Variants in CERK observed in about 807,000 individuals in gnomAD.
The protein encoded by CERK is acylsphingosine kinase.
In CERK, 39 loss-of-function variants were observed where a neutral mutation model predicts 63.4. That is an observed-to-expected ratio of 0.61 (90% CI 0.48 to 0.80). The LOEUF is 0.80. Among genes scored for constraint, CERK ranks in the 30% least tolerant of loss-of-function variants. The pLI is 0.00. For synonymous variants in CERK, 302 were observed against 280.0 expected, an observed-to-expected ratio of 1.08 and a Z score of -0.78; for missense variants, 670 against 714.1, an observed-to-expected ratio of 0.94 and a Z score of 0.70.
chr22:46,732,873 C>T (rs566380382), intron 1 of CERK, among the ~76,000 whole-genome samples: 434 of 152,182 alleles, frequency 2.9e-3, no homozygotes, highest in African/African-American at 0.01. Flanking sequence ...GATTGTCTGC[C>T]TTTTTTCCTA....
At chr22:46,701,577 G>A in intron 7 of CERK, 59 bp downstream of exon 7, 1 of 1,436,978 alleles carries the variant, frequency 7.0e-7, no homozygotes, top group Non-Finnish European at 9.5e-7. Context: ...GAGTGGGACA[G>A]GCCTGGGGGC....
At position 46,711,067 on chromosome 22, in the gene CERK, T is replaced by G; in HGVS notation, c.569+19A>C. 6.2e-7 allele frequency: 1 copy of G among 1,605,158 alleles called. No homozygotes were observed. The highest frequency in any genetic ancestry group is 1.1e-5 in the South Asian group (1 of 90,710). ...TCATTAACAATGGACTTGATGGCGA[T>G]GAAAGACGGCTTACTCACCCGTCGT... On this transcript the variant is annotated intron_variant, in intron 5 of 12. Coordinates refer to ENST00000216264, the MANE Select transcript of CERK (RefSeq NM_022766.6).
Position 46,720,195 on chromosome 22 carries a change from C to A in CERK, c.270G>T (p.Lys90Asn). Residue 90 changes from lysine (K) to asparagine (N), a missense_variant, in exon 3 of 13, where the codon AAG (lysine) becomes AAT (asparagine). By Grantham distance (94) the Lys-to-Asn change is moderately conservative. Transcript: ENST00000216264. ...ACTTCCAGCGGTGCCGTCGTGCTCT[C>A]TTTACACAGTGAACTGCACAGAAGC... ...KPYAFTVHCV[K>N]RARRHRWKWA... 6.2e-7 allele frequency: 1 copy of A among 1,613,630 alleles called. No homozygotes were observed. Among genetic ancestry groups the A allele is most frequent in the Non-Finnish European group, 8.5e-7 (1 of 1,179,828 alleles).
intron 3 of CERK, among the ~76,000 whole-genome samples, chr22:46,712,674 A>T (rs560811193): frequency 6.6e-6 from 1 of 152,248 alleles, no homozygotes; most frequent in East Asian, 1.9e-4. Flanking sequence ...AAGCAGACAG[A>T]GGGAAGAGTC....
chr22:46,695,157 C>T, intron 9 of CERK, 53 bp downstream of exon 9: 1 of 958,432 alleles, frequency 1.0e-6, no homozygotes. Flanking sequence ...TCCTAACCGT[C>T]CTGCTTCATT....
intron 1 of CERK, among the ~76,000 whole-genome samples, chr22:46,722,533 T>G (rs1201085330): frequency 4.0e-5 from 6 of 149,090 alleles, no homozygotes; most frequent in African/African-American, 1.5e-4. Context: ...CACCCTCCGG[T>G]GTGCCCCACC....
chr22:46,715,817 T>C (rs889060064), intron 3 of CERK, among the ~76,000 whole-genome samples: 2 of 152,194 alleles, frequency 1.3e-5, no homozygotes, highest in African/African-American at 4.8e-5. Flanking sequence ...GCTTGGAGAA[T>C]AAAACGTCTT....
chr22:46,698,830 G>A (rs2082769009), intron 8 of CERK, among the ~76,000 whole-genome samples: 1 of 152,220 alleles, frequency 6.6e-6, no homozygotes, highest in South Asian at 2.1e-4. Flanking sequence ...GAGCCTGGGA[G>A]GTCAAGGCTG....
At chr22:46,708,068 G>T in intron 5 of CERK, 80 bp from the exon 6 acceptor site, 1 of 1,464,018 alleles carries the variant, frequency 6.8e-7, no homozygotes, top group South Asian at 1.4e-5. Flanking sequence ...TCCAGCTTCA[G>T]GAGGGGCAGC....
At chr22:46,729,950 A>G (rs1259202016) in intron 1 of CERK, among the ~76,000 whole-genome samples, 2 of 151,854 alleles carry the variant, frequency 1.3e-5, no homozygotes, top group Admixed American at 1.3e-4. Context: ...GAGGCAGGAG[A>G]ATGGCGTGAA....
rs570064599 is a variant in CERK at position 46,725,611 on chromosome 22, T to C, written c.143-4596A>G. 2.2e-4 allele frequency among the ~76,000 whole-genome samples: 33 copies of C among 152,352 alleles called. No individual in the cohort carries two copies. The East Asian group carries it at 3.5e-3, about 16-fold the overall frequency. On this transcript the variant is annotated intron_variant, in intron 1 of 12. Coordinates refer to ENST00000216264, the MANE Select transcript of CERK (RefSeq NM_022766.6). ...GGGAATTGGGGGCACTTTCATATTC[T>C]TTTGCTGACAGAGATAAATTCTCGT...
Position 46,702,803 on chromosome 22 carries a change from G to A in CERK, c.716-1093C>T, listed in dbSNP as rs73888620. On this transcript the variant is annotated intron_variant, in intron 6 of 12. Coordinates refer to ENST00000216264, the MANE Select transcript of CERK (RefSeq NM_022766.6). ...CTGCAGCTGCCCCGGCTGATCGCACGGCCTTCCCTCTGAGGACCATGCTCA... is the reference window on the plus strand; with the variant it reads ...CTGCAGCTGCCCCGGCTGATCGCACAGCCTTCCCTCTGAGGACCATGCTCA... Among the ~76,000 whole-genome samples the A allele has an allele frequency of 6.2e-3, 941 of 152,300 alleles. 13 individuals carry two copies. Among genetic ancestry groups the A allele is most frequent in the African/African-American group, 0.021 (889 of 41,560 alleles).
Position 46,738,198 on chromosome 22 carries a change from G to T in CERK, c.-50C>A. 1 of 1,084,022 alleles carries T rather than the reference G, an allele frequency of 9.2e-7. No homozygotes were observed. The highest frequency in any genetic ancestry group is 1.1e-6 in the Non-Finnish European group (1 of 894,838). The allele number at this position is 1,084,022 out of a possible 1,614,324, so 67.2% of individuals were successfully genotyped here. ...GGCTGGGGGCGCGCGGACGCCGAGGGGCGCCGGACCGTTAGCGGCCCCTGC... is the reference window on the plus strand; with the variant it reads ...GGCTGGGGGCGCGCGGACGCCGAGGTGCGCCGGACCGTTAGCGGCCCCTGC... On this transcript the variant is annotated 5_prime_UTR_variant, in exon 1 of 13. Coordinates refer to ENST00000216264, the MANE Select transcript of CERK (RefSeq NM_022766.6).
chr22:46,733,879 T>G (rs2082958618), intron 1 of CERK, among the ~76,000 whole-genome samples: 1 of 151,448 alleles, frequency 6.6e-6, no homozygotes, highest in South Asian at 2.1e-4. Context: ...CTGTCTCTAC[T>G]AAAAATACAA....
chr22:46,687,287 TGCA>T lies in CERK; in HGVS notation c.1542-84_1542-82del. 9 of 600,614 alleles carry T rather than the reference TGCA, an allele frequency of 1.5e-5. No homozygotes were observed. The South Asian group carries it at 2.0e-4, about 13-fold the overall frequency. The allele number at this position is 600,614 out of a possible 1,614,324, so 37.2% of individuals were successfully genotyped here. A position where few individuals can be genotyped will look rare whatever the true frequency, so the allele number is the denominator to read the frequency against. ...CTGAGCCCCACTCCTGGACAGGGGCTGCAGTAAACCCCACGTGTCCCTCACTCA... is the reference window on the plus strand; with the variant it reads ...CTGAGCCCCACTCCTGGACAGGGGCTGTAAACCCCACGTGTCCCTCACTCA... On this transcript the variant is annotated intron_variant, in intron 12 of 12. Coordinates refer to ENST00000216264, the MANE Select transcript of CERK (RefSeq NM_022766.6).
Position 46,738,142 on chromosome 22 carries a change from C to T in CERK, c.7G>A (p.Ala3Thr), listed in dbSNP as rs773538392. 521 of 1,202,468 alleles carry T rather than the reference C, an allele frequency of 4.3e-4. 3 individuals carry two copies. The African/African-American group carries it at 6.7e-3, about 16-fold the overall frequency. 74.5% of individuals were successfully genotyped at this position (1,202,468 alleles called of 1,614,324 possible). MG[A>T]TGAAEPLQSV... ...TGCAGCGGCTCCGCCGCCCCCGTCG[C>T]CCCCATCTCCGCCGCCGGGCTCGTC... Residue 3 changes from alanine (A) to threonine (T), a missense_variant, in exon 1 of 13, where the codon GCG becomes ACG. Transcript: ENST00000216264.
chr22:46,693,252 C>T (rs1453770061), intron 10 of CERK, among the ~76,000 whole-genome samples, 175 bp downstream of exon 10: 1 of 152,206 alleles, frequency 6.6e-6, no homozygotes, highest in Non-Finnish European at 1.5e-5. Flanking sequence ...CCACACACGG[C>T]AAGTAACAGT....
At chr22:46,705,328 C>T (rs1316606905) in intron 6 of CERK, among the ~76,000 whole-genome samples, 2 of 152,154 alleles carry the variant, frequency 1.3e-5, no homozygotes, top group Non-Finnish European at 2.9e-5. Flanking sequence ...CACTTGTGGC[C>T]ATAGGGAGAC....
At chr22:46,701,805 C>A (rs1305316576) in intron 6 of CERK, 95 bp from the exon 7 acceptor site, 20 of 866,088 alleles carry the variant, frequency 2.3e-5, no homozygotes, top group Non-Finnish European at 3.5e-5. Context: ...CCTTTCCTTC[C>A]ATGGCCCTAG....
Sources: gnomAD v4.1 joint callset for allele counts (sites outside exome capture counted in the v4.1 genomes callset) on GRCh38, gnomAD v4.1.1 for gene constraint, MANE v1.5 for transcripts, NCBI Gene and HGNC (gene_info 2026-07-23, HGNC 2026-07-21) for gene names.